Variants in MTOR observed in about 807,000 individuals in gnomAD.
MTOR encodes serine/threonine-protein kinase mTOR.
Under a neutral mutation model 319.8 loss-of-function variants are expected in MTOR, and 70 were observed. That is an observed-to-expected ratio of 0.22 (90% confidence interval 0.18 to 0.27). MTOR has a LOEUF of 0.27. Among genes scored for constraint, MTOR ranks in the 10% least tolerant of loss-of-function variants. The pLI, the probability that MTOR is intolerant of heterozygous loss-of-function variation, is 1.00. For synonymous variants in MTOR, 1,183 were observed against 1,211.4 expected, an observed-to-expected ratio of 0.98 and a Z score of 0.49; for missense variants, 1,890 against 3,274.4, an observed-to-expected ratio of 0.58 and a Z score of 10.32.
intron 13 of MTOR, among the ~76,000 whole-genome samples, chr1:11,235,239 A>G (rs1237611099): frequency 6.6e-6 from 1 of 152,152 alleles, no homozygotes; most frequent in Non-Finnish European, 1.5e-5. Context: ...CAATCCAAAG[A>G]ACCCCAGGTT....
Position 11,199,502 on chromosome 1 carries a change from C to T in MTOR, c.4107+39G>A, listed in dbSNP as rs2100745214. 1 of 1,613,734 alleles carries T rather than the reference C, an allele frequency of 6.2e-7. No individual in the cohort carries two copies. The highest frequency in any genetic ancestry group is 1.1e-5 in the South Asian group (1 of 91,082). On this transcript the variant is annotated intron_variant, in intron 27 of 57. Coordinates refer to ENST00000361445, the MANE Select transcript of MTOR (RefSeq NM_004958.4). This position sits in a 1 kb window ranked among gnomAD's most constrained non-coding sequence, Gnocchi z 4.5. ...CTTCTCTCCTCCCACCAGCTGGTTC[C>T]CTGTCAGCCTCCATCTGGACAATGG...
chr1:11,256,873 A>ACC, intron 4 of MTOR, 60 bp downstream of exon 4: 1 of 1,504,898 alleles, frequency 6.6e-7, no homozygotes, highest in Non-Finnish European at 9.1e-7. Context: ...GAAGCAAAAG[A>ACC]CCCCCCCATG....
In MTOR at chr1:11,247,869, G is replaced by T; in HGVS notation, c.1066C>A (p.Leu356Met). Residue 356 changes from leucine to methionine, a missense_variant, in exon 7 of 58, where the codon CTG (leucine) becomes ATG (methionine). Leu to Met is a conservative substitution (Grantham distance 15, BLOSUM62 2). Transcript: ENST00000361445. The stretch of plus-strand genomic sequence containing the variant: ...TCTCTGCAACACCGGCTCTCCACCA[G>T]GGTGGACTTAGCTGGACTGGGGGAG... ...GTSPSPAKST[L>M]VESRCCRDLM... is the part of the protein sequence containing the mutation. 6.2e-7 allele frequency: 1 copy of T among 1,614,176 alleles called. No individual in the cohort carries two copies. Among genetic ancestry groups the T allele is most frequent in the Non-Finnish European group, 8.5e-7 (1 of 1,180,018 alleles).
chr1:11,152,309 T>G (rs1201742657), intron 30 of MTOR: 5 of 152,200 alleles, frequency 3.3e-5, no homozygotes, highest in African/African-American at 1.2e-4. Context: ...CCTCTGAGAC[T>G]TTGATTTTCT....
chr1:11,138,844 A>G (rs1643554908), intron 36 of MTOR: 1 of 154,124 alleles, frequency 6.5e-6, no homozygotes, highest in African/African-American at 2.4e-5. Context: ...TGGCTTCAAG[A>G]TAACTTTCCC....
intron 28 of MTOR, among the ~76,000 whole-genome samples, chr1:11,173,020 G>A (rs546908194): frequency 4.0e-5 from 6 of 150,472 alleles, no homozygotes; most frequent in Admixed American, 2.6e-4. Flanking sequence ...TTGAGACCGA[G>A]TCTCACTCTG....
chr1:11,211,434 T>C (rs769686173), intron 23 of MTOR, among the ~76,000 whole-genome samples: 1 of 152,182 alleles, frequency 6.6e-6, no homozygotes, highest in Non-Finnish European at 1.5e-5. Flanking sequence ...GGCACAATTA[T>C]GGGGGTCACT....
chr1:11,121,150 G>A lies in MTOR; in HGVS notation c.6933+96C>T. On this transcript the variant is annotated intron_variant, in intron 49 of 57. Transcript: ENST00000361445. The surrounding 1 kb of genome is among the most constrained non-coding windows in gnomAD (Gnocchi z 4.9). ...ACGCTCTACAGCCAATCACAGCAAA[G>A]AAGAGCCGCTGTGTGCACATGAACA... 6.6e-7 allele frequency: 1 copy of A among 1,515,852 alleles called. No homozygotes were observed. 93.9% of individuals were successfully genotyped at this position (1,515,852 alleles called of 1,614,324 possible). A position where few individuals can be genotyped will look rare whatever the true frequency, so the allele number is the denominator to read the frequency against.
chr1:11,204,507 G>C (rs572623343), intron 26 of MTOR, 54 bp downstream of exon 26: 1 of 1,555,482 alleles, frequency 6.4e-7, no homozygotes, highest in African/African-American at 1.4e-5. Context: ...AAACTAATTT[G>C]TATATATCGT....
chr1:11,157,369 C>T (rs2100569666), intron 29 of MTOR, 78 bp from the exon 30 acceptor site: 1 of 1,519,430 alleles, frequency 6.6e-7, no homozygotes, highest in African/African-American at 1.4e-5. Context: ...TACTCTCTTT[C>T]CTAATGTGCT....
At chr1:11,195,837 G>T (rs970594216) in intron 28 of MTOR, 1 of 152,306 alleles carries the variant, frequency 6.6e-6, no homozygotes, top group Non-Finnish European at 1.5e-5. Context: ...TGTAGGAAAT[G>T]GTTGAAAACT....
rs148629329 is a variant in MTOR at position 11,160,037 on chromosome 1, G to A, written c.4330-2746C>T. On this transcript the variant is annotated intron_variant, in intron 29 of 57. Transcript: ENST00000361445. ...GGGAAGTAGCTATGTAAGCAATAAC[G>A]AACACAAAAATGCCTCAATGTCAGA... is the stretch of plus-strand genomic sequence containing the variant. Among the ~76,000 whole-genome samples the A allele has an allele frequency of 3.2e-4, 49 of 151,976 alleles. No individual in the cohort carries two copies. The East Asian group carries it at 4.6e-3, about 14-fold the overall frequency.
In MTOR at chr1:11,126,742, G is replaced by C. The variant is rs2100397335; in HGVS notation, c.6406C>G (p.Leu2136Val). Residue 2136 changes from leucine to valine, a missense_variant, in exon 46 of 58, where the codon CTT (leucine) becomes GTT (valine). This residue lies in a region of MTOR where 249 missense variants were observed against 596.2 expected (regional missense o/e 0.42). Transcript: ENST00000361445. ...VSPKLLMCRD[L>V]ELAVPGTYDP... The stretch of plus-strand genomic sequence containing the variant: ...TATGTTCCTGGCACAGCCAATTCAA[G>C]GTCCCGGCACATCAGAAGTTTTGGG... 2 of 1,614,096 alleles carry C rather than the reference G, an allele frequency of 1.2e-6. No individual in the cohort carries two copies. Among genetic ancestry groups the C allele is most frequent in the Non-Finnish European group, 1.7e-6 (2 of 1,180,038 alleles).
chr1:11,147,960 A>G (rs1212657327), intron 31 of MTOR, among the ~76,000 whole-genome samples: 1 of 152,238 alleles, frequency 6.6e-6, no homozygotes, highest in Non-Finnish European at 1.5e-5. Flanking sequence ...AGAGGAGAAT[A>G]GAGACAATAA....
At chr1:11,238,644 G>C in intron 11 of MTOR, 27 bp from the exon 12 acceptor site, 1 of 1,577,446 alleles carries the variant, frequency 6.3e-7, no homozygotes, top group South Asian at 1.1e-5. Context: ...AGAGAAAACA[G>C]AATAAACACT....
chr1:11,124,932 T>G (rs1642744622), intron 46 of MTOR, among the ~76,000 whole-genome samples: 1 of 152,228 alleles, frequency 6.6e-6, no homozygotes, highest in African/African-American at 2.4e-5. Context: ...TCCTCTGTTC[T>G]GAGAAGCCTG....
intron 20 of MTOR, 116 bp downstream of exon 20, chr1:11,216,032 T>C (rs1646459108): frequency 1.5e-6 from 1 of 670,162 alleles, no homozygotes; most frequent in African/African-American, 1.8e-5. Context: ...CTTCCTGTAC[T>C]AAGACTGTAA....
chr1:11,109,528 A>G lies in MTOR; in HGVS notation c.7447+121T>C. 8.1e-7 allele frequency: 1 copy of G among 1,228,504 alleles called. No individual in the cohort carries two copies. Among genetic ancestry groups the G allele is most frequent in the Non-Finnish European group, 1.2e-6 (1 of 845,650 alleles). 76.1% of individuals were successfully genotyped at this position (1,228,504 alleles called of 1,614,324 possible). On this transcript the variant is annotated intron_variant, in intron 55 of 57. Transcript: ENST00000361445. This position sits in a 1 kb window ranked among gnomAD's most constrained non-coding sequence, Gnocchi z 4.0. ...CAGAATATAATGAGAAATTCATGGA[A>G]CCTTTTCTGCTCAAAGGCAGTTTTG...
rs901100424 is a variant in MTOR, at chr1:11,189,860, G to A, written c.4253+9398C>T. On this transcript the variant is annotated intron_variant, in intron 28 of 57. Coordinates refer to ENST00000361445, the MANE Select transcript of MTOR (RefSeq NM_004958.4). ...AGCAACAGCAAGCGCATGGAGTCGCGGCTCACAGATGCTGAGAGCAAGTAC... is the reference window on the plus strand; with the variant it reads ...AGCAACAGCAAGCGCATGGAGTCGCAGCTCACAGATGCTGAGAGCAAGTAC... The A allele has an allele frequency of 4.3e-6, 7 of 1,614,064 alleles. No homozygotes were observed. Among genetic ancestry groups the A allele is most frequent in the African/African-American group, 4.0e-5 (3 of 74,924 alleles).
Sources: gnomAD v4.1 joint callset for allele counts (sites outside exome capture counted in the v4.1 genomes callset) on GRCh38, gnomAD v4.1.1 for gene constraint, gnomAD v4.1.1 regional missense constraint, Gnocchi (gnomAD v3.1) non-coding constraint, MANE v1.5 for transcripts, NCBI Gene and HGNC (gene_info 2026-07-23, HGNC 2026-07-21) for gene names.